The following TMEM161B variants were observed in gnomAD, a reference collection of about 807,000 sequenced individuals.
TMEM161B encodes the protein transmembrane protein 161B.
In TMEM161B, 34 loss-of-function variants were observed where a neutral mutation model predicts 61.8. That is an observed-to-expected ratio of 0.55 (90% CI 0.42 to 0.73). The LOEUF is 0.73. Among genes scored for constraint, TMEM161B ranks in the 30% least tolerant of loss-of-function variants. The pLI, the probability that TMEM161B is intolerant of heterozygous loss-of-function variation, is 0.00. For missense variants in TMEM161B, 456 were observed against 558.5 expected (o/e 0.82, Z 1.85); for synonymous variants, 167 against 192.8 (o/e 0.87, Z 1.11).
rs1373026902 is a variant in TMEM161B, at chr5:88,195,132, G to C, written c.*1079C>G. On this transcript the variant is annotated 3_prime_UTR_variant, in exon 12 of 12. Coordinates refer to ENST00000296595, the MANE Select transcript of TMEM161B (RefSeq NM_153354.5). ...TGACAGAAAAAGAATTTTAATTTGG[G>C]AGAAACCATTAAGCGTCCATAAAAC... 2.0e-6 allele frequency: 2 copies of C among 985,010 alleles called. No individual in the cohort carries two copies. Among genetic ancestry groups the C allele is most frequent in the South Asian group, 4.7e-5 (1 of 21,268 alleles). The allele number at this position is 985,010 out of a possible 1,614,324, so 61.0% of individuals were successfully genotyped here.
At chr5:88,198,568 T>G (rs1361218928) in intron 10 of TMEM161B, 1 of 153,652 alleles carries the variant, frequency 6.5e-6, no homozygotes, top group East Asian at 1.9e-4. Context: ...TCAAATAAAT[T>G]AAATACTTAC....
intron 2 of TMEM161B, among the ~76,000 whole-genome samples, chr5:88,239,207 T>C (rs1752347844): frequency 6.6e-6 from 1 of 151,978 alleles, no homozygotes; most frequent in African/African-American, 2.4e-5. Context: ...ATAAATTTTA[T>C]AGAAATAGAT....
At chr5:88,187,229 T>C (rs1346929031), downstream of TMEM161B, among the ~76,000 whole-genome samples, 1 of 152,248 alleles carries the variant, frequency 6.6e-6, no homozygotes. Flanking sequence ...TTTGTCTTTA[T>C]GGCAGAATCA....
chr5:88,188,849 AC>A (rs1748530346), downstream of TMEM161B, among the ~76,000 whole-genome samples: 1 of 151,974 alleles, frequency 6.6e-6, no homozygotes, highest in African/African-American at 2.4e-5. Context: ...TAATCTTTTA[AC>A]CTCAGGCCGG....
Position 88,230,350 on chromosome 5 carries a change from C to T in TMEM161B, c.108-1822G>A, listed in dbSNP as rs911936431. 3.9e-5 allele frequency among the ~76,000 whole-genome samples: 6 copies of T among 152,090 alleles called. No individual in the cohort carries two copies. The South Asian group carries it at 8.3e-4, about 21-fold the overall frequency. On this transcript the variant is annotated intron_variant, in intron 2 of 11. Coordinates refer to ENST00000296595, the MANE Select transcript of TMEM161B (RefSeq NM_153354.5). Reference sequence around the variant, plus strand: ...TTTTTGATATATATACTGAAATGTACGCTGGGGGAAGTACAGATGAAACAA... The same window carrying T: ...TTTTTGATATATATACTGAAATGTATGCTGGGGGAAGTACAGATGAAACAA...
rs1157160206 is a variant in TMEM161B, at chr5:88,203,834, A to T, written c.801-759T>A. Among the ~76,000 whole-genome samples the T allele has an allele frequency of 2.2e-5, 3 of 133,822 alleles. 1 individual carries two copies. Among genetic ancestry groups the T allele is most frequent in the African/African-American group, 8.9e-5 (3 of 33,708 alleles). 87.8% of individuals were successfully genotyped at this position (133,822 alleles called of 152,430 possible). ...ATATATAATTTGCATTACTCCTGAC[A>T]AGGCAATATACCTAATACAGCAAAG... is the stretch of plus-strand genomic sequence containing the variant. On this transcript the variant is annotated intron_variant, in intron 8 of 11. Coordinates refer to ENST00000296595, the MANE Select transcript of TMEM161B (RefSeq NM_153354.5).
chr5:88,197,967 G>A (rs549544280), intron 10 of TMEM161B: 14 of 417,934 alleles, frequency 3.3e-5, no homozygotes, highest in Middle Eastern at 6.4e-4. Context: ...TTTTTAGAAC[G>A]TGAGAATATT....
intron 1 of TMEM161B, among the ~76,000 whole-genome samples, chr5:88,245,071 A>G (rs1021129944): frequency 6.6e-6 from 1 of 151,882 alleles, no homozygotes; most frequent in African/African-American, 2.4e-5. Context: ...ATATGGAATC[A>G]TGTCATTTGC....
chr5:88,198,995 G>A lies in TMEM161B; in HGVS notation c.1070C>T (p.Thr357Met), dbSNP rs375033902. 4.8e-5 allele frequency: 78 copies of A among 1,610,874 alleles called. No individual in the cohort carries two copies. Among genetic ancestry groups the A allele is most frequent in the Non-Finnish European group, 6.2e-5 (73 of 1,178,836 alleles). ...QMKKEAGRIS[T>M]VELQKMVARV... ...ACTTACCATTTTCTGTAGCTCAACC[G>A]TGCTTATTCGCCCCGCTTCTTTCTT... Residue 357 changes from threonine (T) to methionine (M), a missense_variant, in exon 10 of 12, where the codon ACG becomes ATG. Thr to Met is a moderately conservative substitution (Grantham distance 81). Transcript: ENST00000296595.
intron 2 of TMEM161B, among the ~76,000 whole-genome samples, chr5:88,240,204 C>G (rs566248852): frequency 6.6e-6 from 1 of 151,730 alleles, no homozygotes; most frequent in African/African-American, 2.4e-5. Flanking sequence ...ATAACTTTAT[C>G]CCCCTCCTTG....
intron 1 of TMEM161B, among the ~76,000 whole-genome samples, chr5:88,260,940 T>C (rs1755613880): frequency 6.6e-6 from 1 of 152,186 alleles, no homozygotes; most frequent in Non-Finnish European, 1.5e-5. Context: ...AACTACTACG[T>C]CTGTTTTATA....
intron 2 of TMEM161B, among the ~76,000 whole-genome samples, chr5:88,238,545 G>T (rs1320066873): frequency 6.6e-6 from 1 of 151,822 alleles, no homozygotes; most frequent in Non-Finnish European, 1.5e-5. Context: ...ATTCATAGTT[G>T]TAAAAAAAAA....
At chr5:88,190,954 A>G (rs1748764497), downstream of TMEM161B, among the ~76,000 whole-genome samples, 7 of 152,310 alleles carry the variant, frequency 4.6e-5, no homozygotes, top group South Asian at 1.0e-3. Context: ...TGCTAAAAAC[A>G]TATTGTTTTA....
chr5:88,200,435 C>G (rs975114703), intron 9 of TMEM161B: 1 of 152,054 alleles, frequency 6.6e-6, no homozygotes, highest in African/African-American at 2.4e-5. Context: ...ATAAACAATA[C>G]TGTGCTCCCT....
At chr5:88,232,339 A>G (rs1032210815) in intron 2 of TMEM161B, among the ~76,000 whole-genome samples, 1 of 152,230 alleles carries the variant, frequency 6.6e-6, no homozygotes, top group East Asian at 1.9e-4. Flanking sequence ...AATTTTAGCA[A>G]GTAGGCAAAT....
chr5:88,197,637 A>G (rs370740865), intron 11 of TMEM161B, 32 bp downstream of exon 11: 2 of 1,543,834 alleles, frequency 1.3e-6, no homozygotes. Context: ...TAGAAAGTAA[A>G]AGATGCTTCC....
chr5:88,235,188 T>C (rs1173868696), intron 2 of TMEM161B, among the ~76,000 whole-genome samples: 1 of 152,220 alleles, frequency 6.6e-6, no homozygotes, highest in Non-Finnish European at 1.5e-5. Flanking sequence ...CTAGACTTTA[T>C]TTTTAAAATT....
intron 1 of TMEM161B, among the ~76,000 whole-genome samples, chr5:88,266,771 C>T (rs775450930): frequency 2.0e-5 from 3 of 152,172 alleles, no homozygotes. Flanking sequence ...TTGAAAAATT[C>T]CAAGCATTAA....
At chr5:88,202,574 A>G (rs1744631941) in intron 9 of TMEM161B, 2 of 194,718 alleles carry the variant, frequency 1.0e-5, no homozygotes, top group South Asian at 1.8e-4. Context: ...AACAACTGTC[A>G]AACATAGGAG....
Sources: gnomAD v4.1 joint callset for allele counts (sites outside exome capture counted in the v4.1 genomes callset) on GRCh38, gnomAD v4.1.1 for gene constraint, MANE v1.5 for transcripts, NCBI Gene and HGNC (gene_info 2026-07-23, HGNC 2026-07-21) for gene names.